Variants in ZNF860 observed in about 807,000 individuals in gnomAD.
ZNF860 encodes zinc finger protein 860.
For synonymous variants in ZNF860, 206 were observed against 248.9 expected (o/e 0.83, Z 1.62); for missense variants, 641 against 759.2 (o/e 0.84, Z 1.83).
At chr3:31,983,931 G>GT (rs1456838378) in intron 1 of ZNF860, among the ~76,000 whole-genome samples, 2 of 152,204 alleles carry the variant, frequency 1.3e-5, no homozygotes, top group Admixed American at 1.3e-4. Context: ...TGCAATAGAG[G>GT]AAGAGTTTAA....
intron 1 of ZNF860, among the ~76,000 whole-genome samples, chr3:31,983,860 C>T (rs1420622898): frequency 6.6e-6 from 1 of 152,174 alleles, no homozygotes. Flanking sequence ...ATTTGAAATA[C>T]ATACTGTAAT....
At chr3:31,982,326 G>C (rs1559541924) in intron 1 of ZNF860, among the ~76,000 whole-genome samples, 1 of 151,946 alleles carries the variant, frequency 6.6e-6, no homozygotes, top group African/African-American at 2.4e-5. Context: ...AAATTACCTA[G>C]AAAAAAGCTT....
chr3:31,987,174 A>G (rs777391198), intron 1 of ZNF860, among the ~76,000 whole-genome samples: 1 of 152,100 alleles, frequency 6.6e-6, no homozygotes, highest in African/African-American at 2.4e-5. Flanking sequence ...ACACTCTTCT[A>G]TCTGCATAGT....
chr3:31,999,192 A>G, the ZNF860 span, among the ~76,000 whole-genome samples: 1 of 152,170 alleles, frequency 6.6e-6, no homozygotes, highest in South Asian at 2.1e-4. Context: ...AGTGGCAATC[A>G]GGTGTGGCAT....
rs1054107371 is a variant in ZNF860 at position 31,990,149 on chromosome 3, TCA to T, written c.1075_1076del (p.Gln359ThrfsTer3). ...AAGGCTTTCAGGCGTGATTCACACC[TCA>T]CACAACACACTAGAATTCACACTGG... On this transcript the variant is annotated frameshift_variant, in exon 2 of 2. Coordinates refer to ENST00000360311, the MANE Select transcript of ZNF860 (RefSeq NM_001137674.3). LOFTEE classifies it low-confidence loss of function (END_TRUNC). 7 of 1,611,710 alleles carry T rather than the reference TCA, an allele frequency of 4.3e-6. No individual in the cohort carries two copies. The highest frequency in any genetic ancestry group is 5.9e-6 in the Non-Finnish European group (7 of 1,178,600).
In ZNF860 at chr3:31,990,076, A is replaced by G. The variant is rs921472529; in HGVS notation, c.997A>G (p.Arg333Gly). 1.2e-6 allele frequency: 2 copies of G among 1,613,898 alleles called. No individual in the cohort carries two copies. The highest frequency in any genetic ancestry group is 1.7e-6 in the Non-Finnish European group (2 of 1,179,932). Reference protein sequence around the residue: ...FSRKSNLERHRRIHTGEKPYK... With the variant: ...FSRKSNLERHGRIHTGEKPYK... ...TCGCAAATCAAATCTTGAAAGACAT[A>G]GGAGAATTCATACTGGAGAGAAACC... The change falls in exon 2 of 2, where the codon AGG becomes GGG. Residue 333 changes from arginine to glycine, a missense_variant. Physicochemically the swap from Arg to Gly is moderately radical, Grantham distance 125. Coordinates refer to ENST00000360311, the MANE Select transcript of ZNF860 (RefSeq NM_001137674.3).
the ZNF860 span, among the ~76,000 whole-genome samples, chr3:31,999,790 TG>T: frequency 1.3e-5 from 2 of 152,164 alleles, no homozygotes; most frequent in African/African-American, 4.8e-5. Flanking sequence ...CCCGGTGAAA[TG>T]AGACCTAGAG....
At chr3:31,995,537 T>C (rs549689694), downstream of ZNF860, among the ~76,000 whole-genome samples, 33 of 152,322 alleles carry the variant, frequency 2.2e-4, no homozygotes, top group African/African-American at 7.2e-4. Flanking sequence ...TCTGTTCTTT[T>C]TCAAGGTGCA....
chr3:31,993,793 C>T (rs1229016242), downstream of ZNF860, among the ~76,000 whole-genome samples: 1 of 152,050 alleles, frequency 6.6e-6, no homozygotes, highest in African/African-American at 2.4e-5. Context: ...AATACAGTCA[C>T]TTTGGAAAAC....
intron 1 of ZNF860, among the ~76,000 whole-genome samples, chr3:31,983,768 C>T (rs1022709469): frequency 1.3e-5 from 2 of 152,272 alleles, no homozygotes; most frequent in South Asian, 2.1e-4. Context: ...GGAAAAGGTA[C>T]CTGCAGAATT....
intron 1 of ZNF860, among the ~76,000 whole-genome samples, chr3:31,986,608 T>C (rs962596019): frequency 1.3e-5 from 2 of 152,158 alleles, no homozygotes; most frequent in East Asian, 3.9e-4. Context: ...GTTTATATTT[T>C]TTTATACGAA....
the ZNF860 span, among the ~76,000 whole-genome samples, chr3:32,002,978 T>C: frequency 6.6e-6 from 1 of 152,108 alleles, no homozygotes; most frequent in East Asian, 1.9e-4. Context: ...AATTTAGACT[T>C]CATTTAGGTC....
Position 31,990,761 on chromosome 3 carries a change from C to T in ZNF860, c.1682C>T (p.Thr561Ile), listed in dbSNP as rs746235764. The T allele has an allele frequency of 2.5e-6, 4 of 1,613,686 alleles. No homozygotes were observed. In the African/African-American group the frequency reaches 5.3e-5, roughly 22 times the overall value. ...SHHETHKRIH[T>I]GEKPYKCDDF... ...CATGAAACACATAAGAGAATTCATA[C>T]TGGAGAGAAACCTTACAAATGTGAT... Residue 561 changes from threonine (T) to isoleucine (I), a missense_variant, in exon 2 of 2, where the codon ACT (threonine) becomes ATT (isoleucine). By Grantham distance (89) the Thr-to-Ile change is moderately conservative. Transcript: ENST00000360311.
chr3:32,001,715 A>G, the ZNF860 span, among the ~76,000 whole-genome samples: 18,354 of 151,960 alleles, frequency 0.12, 1,368 homozygotes, highest in East Asian at 0.32. Flanking sequence ...ATTGCTTCTC[A>G]GCCTTTTGGC....
chr3:31,994,671 C>T (rs754221696), downstream of ZNF860, among the ~76,000 whole-genome samples: 23 of 152,086 alleles, frequency 1.5e-4, no homozygotes, highest in Non-Finnish European at 2.9e-4. Context: ...AAATGAGACA[C>T]CAAATCAGAA....
chr3:31,991,948 C>T (rs905997005), downstream of ZNF860, among the ~76,000 whole-genome samples: 3 of 151,712 alleles, frequency 2.0e-5, no homozygotes, highest in South Asian at 4.2e-4. Flanking sequence ...GAGTTTGAGA[C>T]CAGCCTGGTC....
chr3:32,005,631 A>G, the ZNF860 span, among the ~76,000 whole-genome samples: 1 of 152,112 alleles, frequency 6.6e-6, no homozygotes, highest in Non-Finnish European at 1.5e-5. Context: ...CTCTGTTGCC[A>G]GGCTGGAGTG....
chr3:31,995,820 A>G (rs1251109645), downstream of ZNF860, among the ~76,000 whole-genome samples: 1 of 152,126 alleles, frequency 6.6e-6, no homozygotes, highest in Non-Finnish European at 1.5e-5. Flanking sequence ...CAGGTTTTTA[A>G]AGAGCCACAG....
At chr3:31,993,522 T>C (rs550676626), downstream of ZNF860, among the ~76,000 whole-genome samples, 2 of 152,300 alleles carry the variant, frequency 1.3e-5, no homozygotes, top group East Asian at 3.9e-4. Context: ...AAACCCTTTT[T>C]TAATCACAAA....
Sources: allele counts gnomAD v4.1 joint callset (sites outside exome capture counted in the v4.1 genomes callset), GRCh38; gene constraint gnomAD v4.1.1; transcripts MANE v1.5; gene names NCBI Gene and HGNC (gene_info 2026-07-23, HGNC 2026-07-21).